Variants in SCEL observed in about 807,000 individuals in gnomAD.
SCEL encodes sciellin.
A neutral mutation model predicts 117.6 loss-of-function variants in SCEL; 113 were observed. The observed-to-expected ratio is 0.96, with a 90% CI of 0.83 to 1.12. SCEL has a LOEUF of 1.12. Ranked by LOEUF, SCEL falls within the 50% of genes most tolerant of loss-of-function variation. SCEL has a pLI of 0.00. For synonymous variants in SCEL, 270 were observed against 256.2 expected, an observed-to-expected ratio of 1.05 and a Z score of -0.51; for missense variants, 785 against 810.8, an observed-to-expected ratio of 0.97 and a Z score of 0.39.
intron 8 of SCEL, among the ~76,000 whole-genome samples, chr13:77,569,735 C>G (rs1177345878): frequency 6.6e-6 from 1 of 152,162 alleles, no homozygotes; most frequent in Admixed American, 6.5e-5. Flanking sequence ...AATGCCTTAA[C>G]CTGAAATAAT....
chr13:77,569,391 A>C lies in SCEL; in HGVS notation c.419A>C (p.Asn140Thr). 1 of 1,613,960 alleles carries C rather than the reference A, an allele frequency of 6.2e-7. No homozygotes were observed. The highest frequency in any genetic ancestry group is 8.5e-7 in the Non-Finnish European group (1 of 1,179,826). The change falls in exon 8 of 33, where the codon AAT becomes ACT. Residue 140 changes from asparagine to threonine, a missense_variant. Transcript: ENST00000349847. ...VTKLQPGGSL[N>T]ANTSNTIAST... ...AACAGGCAACCTGGCGGTTCATTGAATGCCAACACCTCCAACACCATAGCA... is the reference window on the plus strand; with the variant it reads ...AACAGGCAACCTGGCGGTTCATTGACTGCCAACACCTCCAACACCATAGCA...
At chr13:77,537,053 T>G (rs964233853) in intron 1 of SCEL, among the ~76,000 whole-genome samples, 2 of 152,244 alleles carry the variant, frequency 1.3e-5, no homozygotes, top group African/African-American at 4.8e-5. Context: ...GGTGCTCCAG[T>G]GTTTAAAGTA....
chr13:77,559,735 C>G (rs930693761), intron 3 of SCEL, 69 bp from the exon 4 acceptor site: 2 of 1,402,828 alleles, frequency 1.4e-6, no homozygotes, highest in African/African-American at 2.8e-5. Flanking sequence ...CCGCATGTCT[C>G]TCTCATTTAG....
intron 29 of SCEL, among the ~76,000 whole-genome samples, chr13:77,636,908 C>T (rs1182137275): frequency 6.6e-6 from 1 of 152,066 alleles, no homozygotes; most frequent in Non-Finnish European, 1.5e-5. Context: ...CCTTACCCTA[C>T]TCTCTATTTA....
intron 24 of SCEL, among the ~76,000 whole-genome samples, chr13:77,616,485 A>G (rs76900402): frequency 0.027 from 4,178 of 152,178 alleles, 157 homozygotes; most frequent in African/African-American, 0.095. Flanking sequence ...CATTCTTTTA[A>G]TAGTATTTAT....
At chr13:77,593,257 G>GGA (rs2086982452) in intron 11 of SCEL, among the ~76,000 whole-genome samples, 1 of 101,844 alleles carries the variant, frequency 9.8e-6, no homozygotes, top group African/African-American at 3.9e-5. Flanking sequence ...ATAACAGAGG[G>GGA]GAGTGTGTGT....
intron 27 of SCEL, among the ~76,000 whole-genome samples, chr13:77,625,281 A>G (rs1198012217): frequency 6.6e-6 from 1 of 152,178 alleles, no homozygotes. Context: ...CTTAATGGCC[A>G]AGGTTGTTAA....
intron 1 of SCEL, among the ~76,000 whole-genome samples, chr13:77,548,953 AT>A (rs550176788): frequency 1.3e-5 from 2 of 151,824 alleles, no homozygotes; most frequent in South Asian, 4.1e-4. Flanking sequence ...TTCTTTATCC[AT>A]TTGTCTGTTG....
intron 14 of SCEL, 114 bp from the exon 15 acceptor site, chr13:77,599,575 A>G (rs2087500051): frequency 1.1e-6 from 1 of 923,832 alleles, no homozygotes; most frequent in Non-Finnish European, 1.8e-6. Flanking sequence ...TCTTCCATTC[A>G]ATAAGAGTAA....
At chr13:77,639,562 A>C (rs564613836) in intron 30 of SCEL, among the ~76,000 whole-genome samples, 1 of 152,234 alleles carries the variant, frequency 6.6e-6, no homozygotes, top group African/African-American at 2.4e-5. Flanking sequence ...CTTTGGACTC[A>C]TTGTGTTGGT....
chr13:77,623,263 C>A (rs926471324), intron 27 of SCEL: 1 of 152,194 alleles, frequency 6.6e-6, no homozygotes, highest in Admixed American at 6.5e-5. Context: ...TAGCTGATGG[C>A]ATCAATCAGA....
intron 19 of SCEL, among the ~76,000 whole-genome samples, chr13:77,604,783 A>G (rs1197996898): frequency 6.6e-6 from 1 of 152,162 alleles, no homozygotes. Context: ...GTGTAAGTGC[A>G]TATGTATGTA....
At chr13:77,611,893 T>C (rs1238510541) in intron 22 of SCEL, among the ~76,000 whole-genome samples, 1 of 152,160 alleles carries the variant, frequency 6.6e-6, no homozygotes, top group Non-Finnish European at 1.5e-5. Flanking sequence ...TTATTACTCT[T>C]AAAATTTTTT....
chr13:77,601,985 A>G (rs1322204289), intron 15 of SCEL, 80 bp from the exon 16 acceptor site: 5 of 1,097,836 alleles, frequency 4.6e-6, no homozygotes, highest in Non-Finnish European at 5.2e-6. Context: ...TGCTGTTGTC[A>G]TTACGAGAGT....
intron 9 of SCEL, among the ~76,000 whole-genome samples, chr13:77,577,223 C>T (rs1203674804): frequency 6.6e-6 from 1 of 152,100 alleles, no homozygotes; most frequent in Non-Finnish European, 1.5e-5. Context: ...TACTCTGTTG[C>T]CACACTGCTA....
At chr13:77,641,508 G>A (rs1055551756) in intron 31 of SCEL, among the ~76,000 whole-genome samples, 2 of 152,122 alleles carry the variant, frequency 1.3e-5, no homozygotes, top group African/African-American at 4.8e-5. Context: ...GTAAAATGAG[G>A]TGTTGACTAG....
chr13:77,553,358 A>G (rs980477580), intron 1 of SCEL, among the ~76,000 whole-genome samples: 1 of 152,180 alleles, frequency 6.6e-6, no homozygotes, highest in African/African-American at 2.4e-5. Flanking sequence ...TGTATCATTA[A>G]TTATGCATTC....
chr13:77,552,368 CTTTTTAATGATTGCCA>C (rs1471107738), intron 1 of SCEL, among the ~76,000 whole-genome samples: 7 of 151,904 alleles, frequency 4.6e-5, no homozygotes, highest in Non-Finnish European at 1.0e-4. Context: ...TGTTTCCTGA[CTTTTTAATGATTGCCA>C]TTCTAACTGG....
chr13:77,603,953 A>T (rs1444354552), intron 18 of SCEL, among the ~76,000 whole-genome samples: 1 of 152,196 alleles, frequency 6.6e-6, no homozygotes, highest in Non-Finnish European at 1.5e-5. Flanking sequence ...CTTAAAACAG[A>T]ATAGGCAATT....
Sources: gnomAD v4.1 joint callset for allele counts (sites outside exome capture counted in the v4.1 genomes callset) on GRCh38, gnomAD v4.1.1 for gene constraint, MANE v1.5 for transcripts, NCBI Gene and HGNC (gene_info 2026-07-23, HGNC 2026-07-21) for gene names.